Variants in DNAH14 observed in about 807,000 individuals in gnomAD.
DNAH14 encodes the protein dynein axonemal heavy chain 14.
Under a neutral mutation model 520.9 loss-of-function variants are expected in DNAH14, and 478 were observed. That is an observed-to-expected ratio of 0.92 (90% CI 0.85 to 0.99). The LOEUF (loss-of-function observed/expected upper bound fraction) is 0.99, where lower values mean the gene tolerates loss of function less well. Ranked by LOEUF, DNAH14 falls within the 50% of genes least tolerant of loss-of-function variation. The pLI is 0.00. For synonymous variants in DNAH14, 1,581 were observed against 1,757.2 expected (o/e 0.90, Z 2.51); for missense variants, 4,831 against 5,234.5 (o/e 0.92, Z 2.38).
chr1:225,151,853 T>C (rs1425750947), intron 31 of DNAH14, 152 bp from the exon 32 acceptor site: 3 of 749,520 alleles, frequency 4.0e-6, no homozygotes, highest in Non-Finnish European at 7.1e-6. Flanking sequence ...TCCTATTTCT[T>C]CTTTTTTCTC....
In DNAH14 at chr1:225,082,638, C is replaced by T. The variant is rs771895508; in HGVS notation, c.3226C>T (p.Pro1076Ser). 2 of 1,551,490 alleles carry T rather than the reference C, an allele frequency of 1.3e-6. No individual in the cohort carries two copies. The highest frequency in any genetic ancestry group is 1.2e-5 in the South Asian group (1 of 84,044). Residue 1076 changes from proline (P) to serine (S), a missense_variant, in exon 20 of 86, where the codon CCC (proline) becomes TCC (serine). Coordinates refer to ENST00000682510, the MANE Select transcript of DNAH14 (RefSeq NM_001367479.1). ...ELPIIIALGN[P>S]CLKPRHWEAL... ...GCCTATCATTATAGCTCTGGGAAATCCCTGTCTCAAGCCAAGGCATTGGGA... is the reference window on the plus strand; with the variant it reads ...GCCTATCATTATAGCTCTGGGAAATTCCTGTCTCAAGCCAAGGCATTGGGA...
At position 225,289,955 on chromosome 1, in the gene DNAH14, A is replaced by G; in HGVS notation, c.8342A>G (p.Tyr2781Cys). The G allele has an allele frequency of 6.5e-7, 1 of 1,539,532 alleles. No individual in the cohort carries two copies. Among genetic ancestry groups the G allele is most frequent in the Non-Finnish European group, 8.8e-7 (1 of 1,140,864 alleles). Residue 2781 changes from tyrosine to cysteine, a missense_variant, in exon 55 of 86, where the codon TAC (tyrosine) becomes TGC (cysteine). Transcript: ENST00000682510. ...LACYLTDNKL[Y>C]RVPISHKCAY... ...TGTTATTTGACAGATAATAAACTAT[A>G]CCGAGTGCCTATATCTCACAAATGT...
chr1:225,087,667 T>C (rs1237031407), intron 21 of DNAH14, among the ~76,000 whole-genome samples: 1 of 152,176 alleles, frequency 6.6e-6, no homozygotes, highest in Admixed American at 6.5e-5. Context: ...CCTGGCAGAC[T>C]TCTGATATGA....
intron 74 of DNAH14, among the ~76,000 whole-genome samples, 183 bp from the exon 75 acceptor site, chr1:225,360,498 G>T (rs183811180): frequency 2.0e-5 from 3 of 152,184 alleles, no homozygotes; most frequent in Non-Finnish European, 4.4e-5. Context: ...TATCATCCTC[G>T]TGTGTTAGGC....
At chr1:224,960,395 G>A in intron 4 of DNAH14, 93 bp downstream of exon 4, 1 of 1,288,314 alleles carries the variant, frequency 7.8e-7, no homozygotes, top group African/African-American at 1.5e-5. Context: ...ACTGACTTTA[G>A]AAAAAACAGT....
At chr1:225,225,561 A>G (rs1371761246) in intron 41 of DNAH14, among the ~76,000 whole-genome samples, 2 of 152,182 alleles carry the variant, frequency 1.3e-5, no homozygotes, top group African/African-American at 4.8e-5. Context: ...ATTCTTAAAA[A>G]TATGCTCAGA....
chr1:225,279,622 T>C (rs114343162), intron 54 of DNAH14, among the ~76,000 whole-genome samples: 1 of 152,176 alleles, frequency 6.6e-6, no homozygotes, highest in Non-Finnish European at 1.5e-5. Context: ...TTGGATTACA[T>C]TGTTGAACTA....
In DNAH14 at chr1:225,153,680, A is replaced by G. The variant is rs548295347; in HGVS notation, c.5197-70A>G. 5.4e-6 allele frequency: 6 copies of G among 1,105,852 alleles called. No homozygotes were observed. The South Asian group carries it at 7.1e-5, about 13-fold the overall frequency. The allele number at this position is 1,105,852 out of a possible 1,614,324, so 68.5% of individuals were successfully genotyped here. A position where few individuals can be genotyped will look rare whatever the true frequency, so the allele number is the denominator to read the frequency against. On this transcript the variant is annotated intron_variant, in intron 33 of 85. Coordinates refer to ENST00000682510, the MANE Select transcript of DNAH14 (RefSeq NM_001367479.1). The stretch of plus-strand genomic sequence containing the variant: ...TAGATTACCTGTAATTTACCTATAT[A>G]CTGTGTGCATTTGTTTTCATATTTT...
chr1:225,290,643 GTGTGTATATATATA>G (rs1412685193), intron 55 of DNAH14, among the ~76,000 whole-genome samples: 2,860 of 51,142 alleles, frequency 0.056, 105 homozygotes, highest in Admixed American at 0.081. Context: ...GTGTGTGTGT[GTGTGTATATATATA>G]TATATATATA....
Position 225,259,185 on chromosome 1 carries a change from A to G in DNAH14, c.7089A>G (p.Gly2363=). The change falls in exon 46 of 86, where the codon GGA becomes GGG. Residue 2363 remains glycine (G), a synonymous_variant. Coordinates refer to ENST00000682510, the MANE Select transcript of DNAH14 (RefSeq NM_001367479.1). ...NQMLEKLEGP[G]AFDIKHGSIL... ...TGCTTGAAAAGCTAGAGGGTCCAGG[A>G]GCATTTGACATAAAACATGGTTCAA... 2 of 1,546,212 alleles carry G rather than the reference A, an allele frequency of 1.3e-6. No homozygotes were observed. Among genetic ancestry groups the G allele is most frequent in the Non-Finnish European group, 8.7e-7 (1 of 1,144,774 alleles).
chr1:225,387,954 G>A (rs1399079204), intron 81 of DNAH14, among the ~76,000 whole-genome samples: 1 of 152,160 alleles, frequency 6.6e-6, no homozygotes, highest in Non-Finnish European at 1.5e-5. Flanking sequence ...GGCAGGGGCA[G>A]CTGGGCTCAG....
intron 60 of DNAH14, among the ~76,000 whole-genome samples, chr1:225,315,643 T>C (rs2094452569): frequency 1.3e-5 from 2 of 152,204 alleles, no homozygotes; most frequent in Admixed American, 6.5e-5. Flanking sequence ...GTCCTTTTTG[T>C]TGATGTTGAT....
At chr1:224,940,005 CTT>C (rs1217340084) in intron 1 of DNAH14, among the ~76,000 whole-genome samples, 2 of 152,208 alleles carry the variant, frequency 1.3e-5, no homozygotes, top group Admixed American at 6.5e-5. Flanking sequence ...TTTACTCTCT[CTT>C]GATTCTAGAC....
At chr1:225,257,815 G>A (rs903819982) in intron 44 of DNAH14, 145 bp from the exon 45 acceptor site, 24 of 619,676 alleles carry the variant, frequency 3.9e-5, no homozygotes, top group Admixed American at 2.9e-4. Flanking sequence ...GATTACAGGC[G>A]TGAGCCACCG....
chr1:224,977,683 A>G (rs955685622), intron 8 of DNAH14, among the ~76,000 whole-genome samples: 3 of 152,204 alleles, frequency 2.0e-5, no homozygotes, highest in African/African-American at 7.2e-5. Context: ...GTTTTCAAAA[A>G]AAGAATGCTG....
At chr1:225,324,436 C>T in intron 63 of DNAH14, 83 bp downstream of exon 63, 1 of 1,488,412 alleles carries the variant, frequency 6.7e-7, no homozygotes, top group East Asian at 2.5e-5. Flanking sequence ...TACCAATACT[C>T]AAATGAACTT....
chr1:225,087,035 C>CACACACACACAG (rs1491096002), intron 21 of DNAH14, among the ~76,000 whole-genome samples: 1 of 150,228 alleles, frequency 6.7e-6, no homozygotes, highest in African/African-American at 2.5e-5. Flanking sequence ...CACACACACA[C>CACACACACACAG]AGCCTTCTAC....
intron 8 of DNAH14, among the ~76,000 whole-genome samples, chr1:224,975,026 A>G (rs1017356363): frequency 6.6e-6 from 1 of 152,120 alleles, no homozygotes; most frequent in Admixed American, 6.6e-5. Flanking sequence ...GCTGGATTAC[A>G]TTTATTGATT....
At chr1:225,054,669 A>G (rs1342765362) in intron 17 of DNAH14, among the ~76,000 whole-genome samples, 1 of 152,100 alleles carries the variant, frequency 6.6e-6, no homozygotes, top group African/African-American at 2.4e-5. Context: ...GTTAGCTTCT[A>G]TACAGTATGG....
Sources: allele counts gnomAD v4.1 joint callset (sites outside exome capture counted in the v4.1 genomes callset), GRCh38; gene constraint gnomAD v4.1.1; transcripts MANE v1.5; gene names NCBI Gene and HGNC (gene_info 2026-07-23, HGNC 2026-07-21).